FBXL4: variants seen among roughly 807,000 people sequenced by gnomAD.
FBXL4 encodes F-box/LRR-repeat protein 4.
In FBXL4, 40 loss-of-function variants were observed where a neutral mutation model predicts 58.9. The ratio of observed to expected loss-of-function variants is 0.68; its 90% CI spans 0.53 to 0.88. The LOEUF (loss-of-function observed/expected upper bound fraction) is 0.88. FBXL4 is among the 40% of genes least tolerant of loss of function. The probability of loss-of-function intolerance (pLI) is 0.00; values close to 1 mark genes in which losing one functional copy is unlikely to be tolerated. For synonymous variants in FBXL4, 263 were observed against 265.5 expected, an observed-to-expected ratio of 0.99 and a Z score of 0.09; for missense variants, 676 against 734.4, an observed-to-expected ratio of 0.92 and a Z score of 0.92.
intron 5 of FBXL4, 65 bp from the exon 6 acceptor site, chr6:98,905,735 AACAT>A: frequency 6.7e-7 from 1 of 1,483,132 alleles, no homozygotes; most frequent in African/African-American, 1.4e-5. Context: ...TGAAACATAT[AACAT>A]AATCTAATAA....
chr6:98,915,783 C>T (rs1772317960), intron 5 of FBXL4, among the ~76,000 whole-genome samples: 3 of 152,026 alleles, frequency 2.0e-5, no homozygotes, highest in Admixed American at 2.0e-4. Flanking sequence ...GTCTAAAACA[C>T]CAAAAGCAAT....
At chr6:98,907,481 A>G (rs548793256) in intron 5 of FBXL4, among the ~76,000 whole-genome samples, 6 of 152,360 alleles carry the variant, frequency 3.9e-5, no homozygotes, top group African/African-American at 1.4e-4. Flanking sequence ...AGAATTATTA[A>G]GAAGGCAGAA....
chr6:98,882,746 A>G (rs901705614), intron 7 of FBXL4, among the ~76,000 whole-genome samples: 2 of 152,044 alleles, frequency 1.3e-5, no homozygotes, highest in Non-Finnish European at 2.9e-5. Context: ...AAAATATACA[A>G]TTTTACTATA....
Position 98,899,358 on chromosome 6 carries a change from G to A in FBXL4, c.1227C>T (p.Ser409=). 1 of 1,613,948 alleles carries A rather than the reference G, an allele frequency of 6.2e-7. No homozygotes were observed. The highest frequency in any genetic ancestry group is 8.5e-7 in the Non-Finnish European group (1 of 1,179,954). Residue 409 remains serine, a synonymous_variant, in exon 7 of 10, where the codon TCC becomes TCT. Coordinates refer to ENST00000369244, the MANE Select transcript of FBXL4 (RefSeq NM_001278716.2). ...CTTGAGGTGGTAGCTTATCACAGGA[G>A]GAGAGATTTAAGGCCTGTAGATTTG... ...MCPNLQALNL[S]SCDKLPPQAF...
intron 6 of FBXL4, 97 bp downstream of exon 6, chr6:98,905,329 G>A (rs1771757871): frequency 7.4e-7 from 1 of 1,350,278 alleles, no homozygotes; most frequent in Non-Finnish European, 1.0e-6. Flanking sequence ...GTAAGTACAT[G>A]TTACATAATT....
intron 2 of FBXL4, among the ~76,000 whole-genome samples, chr6:98,931,950 A>G (rs904039587): frequency 1.3e-5 from 2 of 152,260 alleles, no homozygotes; most frequent in Non-Finnish European, 2.9e-5. Flanking sequence ...GTAACCAATG[A>G]ATATCCCTAT....
chr6:98,897,713 CT>C (rs1044142111), intron 7 of FBXL4, among the ~76,000 whole-genome samples: 1 of 152,100 alleles, frequency 6.6e-6, no homozygotes, highest in Non-Finnish European at 1.5e-5. Context: ...CCTGCTGTGT[CT>C]TAACATGGCA....
chr6:98,943,296 G>A (rs1773499653), intron 1 of FBXL4, among the ~76,000 whole-genome samples: 1 of 151,664 alleles, frequency 6.6e-6, no homozygotes, highest in African/African-American at 2.4e-5. Context: ...TTCCAGGCCG[G>A]GCACAGTGGC....
chr6:98,919,798 A>G (rs1772508836), intron 4 of FBXL4, among the ~76,000 whole-genome samples: 1 of 152,232 alleles, frequency 6.6e-6, no homozygotes. Flanking sequence ...TCCAAGAATC[A>G]CAGAGTAAAT....
chr6:98,936,739 C>T (rs1253920358), intron 1 of FBXL4, among the ~76,000 whole-genome samples: 1 of 152,138 alleles, frequency 6.6e-6, no homozygotes, highest in African/African-American at 2.4e-5. Flanking sequence ...TTCCAGTCAA[C>T]CATAGGCTAT....
At chr6:98,884,092 T>C (rs1770946084) in intron 7 of FBXL4, among the ~76,000 whole-genome samples, 1 of 152,008 alleles carries the variant, frequency 6.6e-6, no homozygotes. Flanking sequence ...TAATTGTTCT[T>C]TTACTGAGTG....
intron 1 of FBXL4, among the ~76,000 whole-genome samples, chr6:98,936,441 C>T (rs1340374737): frequency 6.6e-6 from 1 of 152,144 alleles, no homozygotes; most frequent in East Asian, 1.9e-4. Flanking sequence ...CAGGTTTGAA[C>T]TGTGTGGGTC....
At chr6:98,893,668 T>C (rs2128386429) in intron 7 of FBXL4, among the ~76,000 whole-genome samples, 1 of 152,302 alleles carries the variant, frequency 6.6e-6, no homozygotes, top group South Asian at 2.1e-4. Context: ...TAGGGGCAAA[T>C]TATGTCTTTC....
chr6:98,890,467 T>A (rs1461089316), intron 7 of FBXL4, among the ~76,000 whole-genome samples: 1 of 152,200 alleles, frequency 6.6e-6, no homozygotes, highest in Non-Finnish European at 1.5e-5. Context: ...TGAAAATTCA[T>A]AAATTTGCAT....
intron 5 of FBXL4, among the ~76,000 whole-genome samples, chr6:98,908,760 T>C (rs1771914441): frequency 6.6e-6 from 1 of 152,144 alleles, no homozygotes; most frequent in South Asian, 2.1e-4. Context: ...CATAACACTT[T>C]CCCAGGGGAG....
intron 1 of FBXL4, among the ~76,000 whole-genome samples, chr6:98,936,483 G>C (rs72938905): frequency 1.3e-5 from 2 of 152,120 alleles, no homozygotes; most frequent in African/African-American, 2.4e-5. Context: ...CTGTCTCTGC[G>C]ATCTCTGAAA....
rs1055044734 is a variant in FBXL4, at chr6:98,917,619, T to A, written c.613A>T (p.Ile205Leu). The change falls in exon 5 of 10, where the codon ATA becomes TTA. Residue 205 changes from isoleucine to leucine, a missense_variant. Ile to Leu is a conservative substitution (Grantham distance 5, BLOSUM62 2). Transcript: ENST00000369244. Reference sequence around the variant, plus strand: ...AGAGAACTATTTACTTCCAGTCGTATAAGATTTGTGGGGAAATTTATCTGC... The same window carrying A: ...AGAGAACTATTTACTTCCAGTCGTAAAAGATTTGTGGGGAAATTTATCTGC... ...IKQINFPTNLIRLEVNSSLLE... is the reference protein window; with the variant it reads ...IKQINFPTNLLRLEVNSSLLE... The A allele has an allele frequency of 1.2e-6, 2 of 1,614,030 alleles. No individual in the cohort carries two copies. The highest frequency in any genetic ancestry group is 3.3e-5 in the Admixed American group (2 of 60,016).
chr6:98,934,925 ACT>A (rs1773150193), intron 1 of FBXL4, 46 bp from the exon 2 acceptor site: 1 of 152,216 alleles, frequency 6.6e-6, no homozygotes, highest in Non-Finnish European at 1.5e-5. Flanking sequence ...AAACAGTACC[ACT>A]CTCTTCGAGG....
At chr6:98,878,539 C>T (rs1028199386) in intron 8 of FBXL4, among the ~76,000 whole-genome samples, 8 of 151,994 alleles carry the variant, frequency 5.3e-5, no homozygotes, top group African/African-American at 1.7e-4. Context: ...CACTCCACCC[C>T]CAAATACACA....
Sources: allele counts gnomAD v4.1 joint callset (sites outside exome capture counted in the v4.1 genomes callset), GRCh38; gene constraint gnomAD v4.1.1; transcripts MANE v1.5; gene names NCBI Gene and HGNC (gene_info 2026-07-23, HGNC 2026-07-21).